EFR3B: variants seen among roughly 807,000 people sequenced by gnomAD.
EFR3B encodes protein EFR3 homolog B.
A neutral mutation model predicts 104.7 loss-of-function variants in EFR3B; 64 were observed. The ratio of observed to expected loss-of-function variants is 0.61; its 90% CI spans 0.50 to 0.75. The LOEUF (loss-of-function observed/expected upper bound fraction) is 0.75, where lower values mean the gene tolerates loss of function less well. EFR3B is among the 30% of genes least tolerant of loss of function. The probability of loss-of-function intolerance (pLI) is 0.00; values close to 1 mark genes in which losing one functional copy is unlikely to be tolerated. For missense variants in EFR3B, 750 were observed against 1,078.5 expected, an observed-to-expected ratio of 0.70 and a Z score of 4.27; for synonymous variants, 385 against 417.9, an observed-to-expected ratio of 0.92 and a Z score of 0.96.
chr2:25,120,276 G>A (rs1035438234), intron 4 of EFR3B, among the ~76,000 whole-genome samples: 1 of 152,006 alleles, frequency 6.6e-6, no homozygotes, highest in African/African-American at 2.4e-5. Flanking sequence ...GCTTGAACCC[G>A]AGAGGAGGAA....
At chr2:25,057,893 AAT>A (rs1022578707) in intron 1 of EFR3B, 6 of 152,214 alleles carry the variant, frequency 3.9e-5, no homozygotes, top group African/African-American at 1.4e-4. Flanking sequence ...AATGGGAGAA[AAT>A]ATTTACAAAT....
intron 18 of EFR3B, among the ~76,000 whole-genome samples, chr2:25,144,193 G>A (rs1670754015): frequency 6.6e-6 from 1 of 152,294 alleles, no homozygotes; most frequent in Admixed American, 6.5e-5. Context: ...AAAGATCTTA[G>A]ACAAGTCCTT....
chr2:25,053,360 T>G (rs1056998468), intron 1 of EFR3B, among the ~76,000 whole-genome samples: 23 of 152,052 alleles, frequency 1.5e-4, no homozygotes, highest in African/African-American at 5.6e-4. Flanking sequence ...GAGAGTAGGC[T>G]GAGGAGGGCG....
At position 25,092,988 on chromosome 2, in the gene EFR3B, T is replaced by C. The variant is rs1573197318; in HGVS notation, c.85-15T>C. 13 of 1,542,386 alleles carry C rather than the reference T, an allele frequency of 8.4e-6. No individual in the cohort carries two copies. The highest frequency in any genetic ancestry group is 6.8e-5 in the African/African-American group (5 of 73,180). On this transcript the variant is annotated splice_polypyrimidine_tract_variant and intron_variant, in intron 2 of 22. Coordinates refer to ENST00000403714, the MANE Select transcript of EFR3B (RefSeq NM_014971.2). ...TAGTGTGGCCATAGTGAGCACAAGC[T>C]GTTTTCTCCTACAGGATGGTCTGGT...
Position 25,070,901 on chromosome 2 carries a change from G to A in EFR3B, c.8-20424G>A, listed in dbSNP as rs76743389. On this transcript the variant is annotated intron_variant, in intron 1 of 22. Transcript: ENST00000403714. ...CAGAGATCCGCACGTTAATGGAAAT[G>A]AAAACAAAGGAGAAAATTCATTGTT... Among the ~76,000 whole-genome samples, 272 of 152,150 alleles carry A rather than the reference G, an allele frequency of 1.8e-3. 3 individuals carry two copies. Among genetic ancestry groups the A allele is most frequent in the African/African-American group, 6.3e-3 (260 of 41,582 alleles).
intron 21 of EFR3B, 144 bp downstream of exon 21, chr2:25,152,164 T>C (rs1326284120): frequency 1.3e-6 from 1 of 790,448 alleles, no homozygotes; most frequent in Non-Finnish European, 2.0e-6. Flanking sequence ...TCAGGGCTTG[T>C]ATTCCAATGC....
chr2:25,069,653 T>C (rs1668436665), intron 1 of EFR3B, among the ~76,000 whole-genome samples: 2 of 152,190 alleles, frequency 1.3e-5, no homozygotes, highest in Non-Finnish European at 2.9e-5. Context: ...TTTAATTATA[T>C]GCAGATTAAG....
At chr2:25,090,382 A>G (rs1356844170) in intron 1 of EFR3B, among the ~76,000 whole-genome samples, 4 of 152,246 alleles carry the variant, frequency 2.6e-5, no homozygotes, top group Non-Finnish European at 4.4e-5. Flanking sequence ...AAAACTTTTT[A>G]TGGTGAGACC....
At chr2:25,059,111 T>A (rs1364876547) in intron 1 of EFR3B, among the ~76,000 whole-genome samples, 2 of 148,912 alleles carry the variant, frequency 1.3e-5, no homozygotes, top group Admixed American at 1.3e-4. Flanking sequence ...TTATTCAGTG[T>A]TGATTTTTTT....
chr2:25,132,530 G>A (rs947070065), intron 10 of EFR3B, among the ~76,000 whole-genome samples: 7 of 152,096 alleles, frequency 4.6e-5, no homozygotes, highest in African/African-American at 1.4e-4. Flanking sequence ...TAGTTCGTGG[G>A]AGGAGGATTT....
chr2:25,068,556 A>C (rs1342392091), intron 1 of EFR3B, among the ~76,000 whole-genome samples: 2 of 152,092 alleles, frequency 1.3e-5, no homozygotes, highest in Admixed American at 6.6e-5. Context: ...CTAGCATTTG[A>C]ATATTAGGTG....
rs1328948109 is a variant in EFR3B at position 25,096,198 on chromosome 2, T to C, written c.212+3068T>C. The stretch of plus-strand genomic sequence containing the variant: ...ACCTGGCTAATTTTTGTGTTTTTAA[T>C]AGAGACGGTGTTTCACCATGTTGGT... On this transcript the variant is annotated intron_variant, in intron 3 of 22. Coordinates refer to ENST00000403714, the MANE Select transcript of EFR3B (RefSeq NM_014971.2). Among the ~76,000 whole-genome samples the C allele has an allele frequency of 2.0e-5, 3 of 152,188 alleles. No homozygotes were observed. In the East Asian group the frequency reaches 5.8e-4, roughly 29 times the overall value.
chr2:25,053,708 TC>T (rs1667944562), intron 1 of EFR3B, among the ~76,000 whole-genome samples: 1 of 152,084 alleles, frequency 6.6e-6, no homozygotes, highest in Admixed American at 6.5e-5. Context: ...ATTGAGACCA[TC>T]CTGGCCAACA....
intron 1 of EFR3B, among the ~76,000 whole-genome samples, chr2:25,090,987 G>A (rs1367324279): frequency 2.0e-5 from 3 of 152,252 alleles, no homozygotes; most frequent in South Asian, 4.2e-4. Context: ...GTAGGCGGGC[G>A]CAGCACCTGA....
At chr2:25,138,906 TC>T (rs1670589144) in intron 15 of EFR3B, among the ~76,000 whole-genome samples, 152 bp from the exon 16 acceptor site, 2 of 152,048 alleles carry the variant, frequency 1.3e-5, no homozygotes, top group South Asian at 4.2e-4. Flanking sequence ...GTGACTTTTT[TC>T]CCCCAGGAAG....
At chr2:25,092,533 C>T (rs548197115) in intron 2 of EFR3B, among the ~76,000 whole-genome samples, 21 of 151,860 alleles carry the variant, frequency 1.4e-4, no homozygotes, top group Non-Finnish European at 2.4e-4. Context: ...ACATTTTATA[C>T]GTTTGTATCA....
chr2:25,139,222 G>A (rs1217485857), intron 16 of EFR3B, 32 bp downstream of exon 16: 2 of 1,541,432 alleles, frequency 1.3e-6, no homozygotes, highest in Non-Finnish European at 8.7e-7. Flanking sequence ...AGCTCAGGGG[G>A]CCCTCAACTT....
chr2:25,130,667 C>A lies in EFR3B; in HGVS notation c.849+37C>A, dbSNP rs767974432. On this transcript the variant is annotated intron_variant, in intron 8 of 22. Coordinates refer to ENST00000403714, the MANE Select transcript of EFR3B (RefSeq NM_014971.2). This position sits in a 1 kb window ranked among gnomAD's most constrained non-coding sequence, Gnocchi z 4.6. ...CCCCTGGGCCAGCCGGATCCCAGGA[C>A]AAAGGCCTCTCTAGAAGCTAGACGG... The A allele has an allele frequency of 1.1e-5, 17 of 1,514,870 alleles. No homozygotes were observed. The South Asian group carries it at 2.0e-4, about 18-fold the overall frequency. 93.8% of individuals were successfully genotyped at this position (1,514,870 alleles called of 1,614,324 possible).
chr2:25,131,851 A>G lies in EFR3B; in HGVS notation c.1087A>G (p.Thr363Ala). 6.5e-7 allele frequency: 1 copy of G among 1,549,542 alleles called. No individual in the cohort carries two copies. Among genetic ancestry groups the G allele is most frequent in the Non-Finnish European group, 8.7e-7 (1 of 1,146,366 alleles). ...GSYDGAVSLGTKIIKEHEERM... is the reference protein window; with the variant it reads ...GSYDGAVSLGAKIIKEHEERM... Reference sequence around the variant, plus strand: ...CTACGACGGGGCGGTCAGCCTCGGCACCAAGATCATCAAGGAGCACGAGGA... The same window carrying G: ...CTACGACGGGGCGGTCAGCCTCGGCGCCAAGATCATCAAGGAGCACGAGGA... The change falls in exon 10 of 23, where the codon ACC becomes GCC. Residue 363 changes from threonine to alanine, a missense_variant. Transcript: ENST00000403714. This position sits in a 1 kb window ranked among gnomAD's most constrained non-coding sequence, Gnocchi z 7.6.
Sources: allele counts gnomAD v4.1 joint callset (sites outside exome capture counted in the v4.1 genomes callset), GRCh38; gene constraint gnomAD v4.1.1; non-coding constraint Gnocchi (gnomAD v3.1); transcripts MANE v1.5; gene names NCBI Gene and HGNC (gene_info 2026-07-23, HGNC 2026-07-21).